Variants in DECR2 observed in about 807,000 individuals in gnomAD.
DECR2 encodes the protein peroxisomal 2,4-dienoyl-CoA reductase [(3E)-enoyl-CoA-producing].
In DECR2, 34 loss-of-function variants were observed where a neutral mutation model predicts 29.2. That is an observed-to-expected ratio of 1.16 (90% confidence interval 0.89 to 1.55). The LOEUF (loss-of-function observed/expected upper bound fraction) is 1.55, where lower values mean the gene tolerates loss of function less well. Ranked by LOEUF, DECR2 falls within the 40% of genes most tolerant of loss-of-function variation. The pLI is 0.00. For missense variants in DECR2, 485 were observed against 425.3 expected, an observed-to-expected ratio of 1.14 and a Z score of -1.23; for synonymous variants, 224 against 182.7, an observed-to-expected ratio of 1.23 and a Z score of -1.82.
rs2054817385 is a variant in DECR2, at chr16:411,411, A to G, written c.712A>G (p.Arg238Gly). The change falls in exon 8 of 9, where the codon AGG becomes GGG. Residue 238 changes from arginine to glycine, a missense_variant. Coordinates refer to ENST00000219481, the MANE Select transcript of DECR2 (RefSeq NM_020664.4). ...STKVTASPLQ[R>G]LGNKTEIAHS... is the part of the protein sequence containing the mutation. ...CAAGGTCACTGCCAGCCCGCTGCAG[A>G]GGCTGGGGAACAAGACCGAGATCGC... The G allele has an allele frequency of 6.2e-7, 1 of 1,612,802 alleles. No individual in the cohort carries two copies. The highest frequency in any genetic ancestry group is 1.3e-5 in the African/African-American group (1 of 74,906).
intron 4 of DECR2, among the ~76,000 whole-genome samples, chr16:408,226 T>TCTGTCTCCGGGCCTCTGTCTCCGGCCCC (rs2054764737): frequency 9.5e-6 from 1 of 105,484 alleles, no homozygotes. Context: ...TCTCCGGGCC[T>TCTGTCTCCGGGCCTCTGTCTCCGGCCCC]CTGTCTCCGG....
Position 410,463 on chromosome 16 carries a change from T to C in DECR2, c.462+96T>C. On this transcript the variant is annotated intron_variant, in intron 5 of 8. Coordinates refer to ENST00000219481, the MANE Select transcript of DECR2 (RefSeq NM_020664.4). This position sits in a 1 kb window ranked among gnomAD's most constrained non-coding sequence, Gnocchi z 4.1. ...CCGGGTGGGTGCCTTGTGCGCTCTGTGAGAAGTTCTTCCGGGTGGGTGTAC... is the reference window on the plus strand; with the variant it reads ...CCGGGTGGGTGCCTTGTGCGCTCTGCGAGAAGTTCTTCCGGGTGGGTGTAC... The C allele has an allele frequency of 6.4e-7, 1 of 1,565,982 alleles. No individual in the cohort carries two copies. Among genetic ancestry groups the C allele is most frequent in the South Asian group, 1.2e-5 (1 of 85,594 alleles).
chr16:407,482 G>C lies in DECR2; in HGVS notation c.259G>C (p.Val87Leu). Residue 87 changes from valine (V) to leucine (L), a missense_variant, in exon 4 of 9, where the codon GTC (valine) becomes CTC (leucine). Val to Leu is a conservative substitution (Grantham distance 32). Coordinates refer to ENST00000219481, the MANE Select transcript of DECR2 (RefSeq NM_020664.4). ...GRRCLPLSMD[V>L]RAPPAVMAAV... ...GCGCTGCCTCCCTCTCTCTATGGAC[G>C]TCCGAGCGCCCCCAGCTGTCATGGC... is the stretch of plus-strand genomic sequence containing the variant. 6.2e-7 allele frequency: 1 copy of C among 1,613,736 alleles called. No homozygotes were observed. Among genetic ancestry groups the C allele is most frequent in the East Asian group, 2.2e-5 (1 of 44,890 alleles).
At position 410,395 on chromosome 16, in the gene DECR2, G is replaced by T. The variant is rs752549486; in HGVS notation, c.462+28G>T. ...GGGTGCCTCGTGCGCTCTGTGAGAA[G>T]TTCTTCCGGGTGGGTGCCTCGTGCG... On this transcript the variant is annotated intron_variant, in intron 5 of 8. Transcript: ENST00000219481. The surrounding 1 kb of genome is among the most constrained non-coding windows in gnomAD (Gnocchi z 4.1). 1 of 1,594,312 alleles carries T rather than the reference G, an allele frequency of 6.3e-7. No homozygotes were observed. The highest frequency in any genetic ancestry group is 1.7e-5 in the Admixed American group (1 of 59,650).
chr16:410,867 T>G lies in DECR2; in HGVS notation c.556+83T>G. 1 of 1,523,744 alleles carries G rather than the reference T, an allele frequency of 6.6e-7. No homozygotes were observed. The highest frequency in any genetic ancestry group is 1.4e-5 in the African/African-American group (1 of 72,490). 94.4% of individuals were successfully genotyped at this position (1,523,744 alleles called of 1,614,324 possible). A position where few individuals can be genotyped will look rare whatever the true frequency, so the allele number is the denominator to read the frequency against. ...CTTCCATCCCAGGAGGCCAGCAGTC[T>G]CCACTTGAAGCTGAGCCCAGCTGCA... On this transcript the variant is annotated intron_variant, in intron 6 of 8. Coordinates refer to ENST00000219481, the MANE Select transcript of DECR2 (RefSeq NM_020664.4). This position sits in a 1 kb window ranked among gnomAD's most constrained non-coding sequence, Gnocchi z 4.1.
intron 7 of DECR2, 106 bp from the exon 8 acceptor site, chr16:411,255 C>T (rs1597207982): frequency 7.8e-7 from 1 of 1,275,124 alleles, no homozygotes; most frequent in Non-Finnish European, 1.1e-6. Flanking sequence ...GTGACACTGA[C>T]TGTGTCCTTG....
rs1567340979 is a variant in DECR2, at chr16:408,207, G to GGGCCTCTGTCTCCA, written c.337+648_337+649insGCCTCTGTCTCCAG. On this transcript the variant is annotated intron_variant, in intron 4 of 8. Coordinates refer to ENST00000219481, the MANE Select transcript of DECR2 (RefSeq NM_020664.4). ...CCTCTGTCTCCGGCCCCCTGTCTCC[G>GGGCCTCTGTCTCCA]GCCCCCTGTCTCCGGGCCTCTGTCT... is the stretch of plus-strand genomic sequence containing the variant. Among the ~76,000 whole-genome samples the GGGCCTCTGTCTCCA allele has an allele frequency of 9.6e-5, 13 of 135,228 alleles. 2 individuals carry two copies. The highest frequency in any genetic ancestry group is 4.0e-4 in the African/African-American group (13 of 32,542). The allele number at this position is 135,228 out of a possible 152,430, so 88.7% of individuals were successfully genotyped here. A position where few individuals can be genotyped will look rare whatever the true frequency, so the allele number is the denominator to read the frequency against.
rs537216066 is a variant in DECR2, at chr16:402,191, T to C, written c.80+148T>C. The C allele has an allele frequency of 1.2e-5, 8 of 655,914 alleles. No homozygotes were observed. The South Asian group carries it at 1.5e-4, about 12-fold the overall frequency. The allele number at this position is 655,914 out of a possible 1,614,324, so 40.6% of individuals were successfully genotyped here. ...TTCTTTTTTCTTTCTTTTTTTTTTT[T>C]TGAGACGGAATCTCGCTGTGTCGCC... On this transcript the variant is annotated intron_variant, in intron 1 of 8. Transcript: ENST00000219481.
chr16:407,707 A>AGTCTT, intron 4 of DECR2, 147 bp downstream of exon 4: 5 of 1,314,208 alleles, frequency 3.8e-6, no homozygotes, highest in Non-Finnish European at 5.2e-6. Context: ...CAGGTACCTG[A>AGTCTT]GGCCAAGACT....
At position 410,503 on chromosome 16, in the gene DECR2, T is replaced by G; in HGVS notation, c.462+136T>G. Reference sequence around the variant, plus strand: ...GGTGGGTGTACTCCCAGCGGGGGCCTCCCCCTGACGGCCGCCCGCTCCCTG... The same window carrying G: ...GGTGGGTGTACTCCCAGCGGGGGCCGCCCCCTGACGGCCGCCCGCTCCCTG... On this transcript the variant is annotated intron_variant, in intron 5 of 8. Coordinates refer to ENST00000219481, the MANE Select transcript of DECR2 (RefSeq NM_020664.4). The surrounding 1 kb of genome is among the most constrained non-coding windows in gnomAD (Gnocchi z 4.1). The G allele has an allele frequency of 4.6e-6, 7 of 1,521,538 alleles. No individual in the cohort carries two copies. The highest frequency in any genetic ancestry group is 6.2e-6 in the Non-Finnish European group (7 of 1,121,992). 94.3% of individuals were successfully genotyped at this position (1,521,538 alleles called of 1,614,324 possible).
intron 3 of DECR2, 119 bp from the exon 4 acceptor site, chr16:407,306 C>T (rs1330875284): frequency 4.7e-6 from 7 of 1,477,174 alleles, no homozygotes; most frequent in Non-Finnish European, 6.3e-6. Flanking sequence ...AGAGTGGGGT[C>T]CAGCAGCAAA....
Position 405,759 on chromosome 16 carries a change from T to C in DECR2, c.150-587T>C, listed in dbSNP as rs1346625693. On this transcript the variant is annotated intron_variant, in intron 2 of 8. Coordinates refer to ENST00000219481, the MANE Select transcript of DECR2 (RefSeq NM_020664.4). ...CTGTTACCCCCAGGCCCAGGGCTTC[T>C]ATACCACAGGGAAAGGGGTCCTGCT... 9 of 436,226 alleles carry C rather than the reference T, an allele frequency of 2.1e-5. No homozygotes were observed. The East Asian group carries it at 6.4e-4, about 31-fold the overall frequency. The allele number at this position is 436,226 out of a possible 1,614,324, so 27.0% of individuals were successfully genotyped here. A position where few individuals can be genotyped will look rare whatever the true frequency, so the allele number is the denominator to read the frequency against.
At chr16:407,327 C>T in intron 3 of DECR2, 98 bp from the exon 4 acceptor site, 1 of 1,488,424 alleles carries the variant, frequency 6.7e-7, no homozygotes, top group Non-Finnish European at 8.9e-7. Context: ...CCCAGGGTCC[C>T]CGAGGAACCC....
At chr16:408,578 G>GCTTA (rs1375120136) in intron 4 of DECR2, among the ~76,000 whole-genome samples, 2 of 150,610 alleles carry the variant, frequency 1.3e-5, no homozygotes, top group African/African-American at 2.4e-5. Context: ...TGTGATCATG[G>GCTTA]CTTACTGCAG....
intron 4 of DECR2, among the ~76,000 whole-genome samples, chr16:408,903 C>G (rs1401560241): frequency 6.6e-6 from 1 of 150,790 alleles, no homozygotes; most frequent in Admixed American, 6.6e-5. Flanking sequence ...ACAATCTCAG[C>G]TTACAGCACC....
In DECR2 at chr16:406,385, G is replaced by A. The variant is rs754750380; in HGVS notation, c.189G>A (p.Pro63=). The part of the protein sequence containing the change: ...CHTVIASRSL[P]RVLTAARKLA... ...CGGTGATTGCCAGTAGGAGCCTGCC[G>A]CGAGTGCTGACGGTGAGAGGGCCTC... Residue 63 remains proline (P), a synonymous_variant, in exon 3 of 9, where the codon CCG becomes CCA. Coordinates refer to ENST00000219481, the MANE Select transcript of DECR2 (RefSeq NM_020664.4). 11 of 1,607,850 alleles carry A rather than the reference G, an allele frequency of 6.8e-6. No individual in the cohort carries two copies. Among genetic ancestry groups the A allele is most frequent in the Admixed American group, 3.3e-5 (2 of 59,992 alleles).
Position 410,123 on chromosome 16 carries a change from C to A in DECR2, c.338-120C>A, listed in dbSNP as rs140298403. On this transcript the variant is annotated intron_variant, in intron 4 of 8. Transcript: ENST00000219481. This position sits in a 1 kb window ranked among gnomAD's most constrained non-coding sequence, Gnocchi z 4.1. ...ATTTATCCTAGGGCATGGGTCTCCT[C>A]CCTGTGCCACAGGGCACCTGGGCTC... 1.8e-3 allele frequency: 2,539 copies of A among 1,412,356 alleles called. 24 individuals are homozygous for A. In the African/African-American group the frequency reaches 0.025, roughly 14 times the overall value. 87.5% of individuals were successfully genotyped at this position (1,412,356 alleles called of 1,614,324 possible).
Position 407,470 on chromosome 16 carries a change from C to G in DECR2, c.247C>G (p.Leu83Val), listed in dbSNP as rs2054740054. 2 of 1,613,426 alleles carry G rather than the reference C, an allele frequency of 1.2e-6. No homozygotes were observed. Among genetic ancestry groups the G allele is most frequent in the Admixed American group, 1.7e-5 (1 of 60,020 alleles). The change falls in exon 4 of 9, where the codon CTC (leucine) becomes GTC (valine). Residue 83 changes from leucine (L) to valine (V), a missense_variant. Coordinates refer to ENST00000219481, the MANE Select transcript of DECR2 (RefSeq NM_020664.4). ...GGCCACCGGCCGGCGCTGCCTCCCT[C>G]TCTCTATGGACGTCCGAGCGCCCCC... Reference protein sequence around the residue: ...AGATGRRCLPLSMDVRAPPAV... With the variant: ...AGATGRRCLPVSMDVRAPPAV...
intron 7 of DECR2, 29 bp from the exon 8 acceptor site, chr16:411,332 C>A: frequency 6.3e-7 from 1 of 1,582,658 alleles, no homozygotes; most frequent in Admixed American, 1.7e-5. Context: ...TTGGGGCTCA[C>A]GGGGCCTGAG....
Sources: gnomAD v4.1 joint callset for allele counts (sites outside exome capture counted in the v4.1 genomes callset) on GRCh38, gnomAD v4.1.1 for gene constraint, Gnocchi (gnomAD v3.1) non-coding constraint, MANE v1.5 for transcripts, NCBI Gene and HGNC (gene_info 2026-07-23, HGNC 2026-07-21) for gene names.